The following NSUN2 variants were observed in gnomAD, a reference collection of about 807,000 sequenced individuals.
The protein encoded by NSUN2 is RNA cytosine C(5)-methyltransferase NSUN2.
Under a neutral mutation model 92.7 loss-of-function variants are expected in NSUN2, and 63 were observed. The ratio of observed to expected loss-of-function variants is 0.68; its 90% confidence interval spans 0.56 to 0.84. NSUN2 has a LOEUF of 0.84. Among genes scored for constraint, NSUN2 ranks in the 40% least tolerant of loss-of-function variants. The pLI is 0.00. For missense variants in NSUN2, 989 were observed against 964.9 expected (o/e 1.02, Z -0.33); for synonymous variants, 356 against 348.3 (o/e 1.02, Z -0.25).
intron 3 of NSUN2, among the ~76,000 whole-genome samples, chr5:6,627,836 T>C (rs1211830716): frequency 6.6e-6 from 1 of 152,254 alleles, no homozygotes; most frequent in African/African-American, 2.4e-5. Context: ...TAAATCTTTG[T>C]AGATTTTAAC....
chr5:6,609,312 T>C (rs1736898172), intron 12 of NSUN2, among the ~76,000 whole-genome samples: 1 of 152,222 alleles, frequency 6.6e-6, no homozygotes, highest in African/African-American at 2.4e-5. Flanking sequence ...CACTGTTTCC[T>C]GGCCTGCCTT....
intron 7 of NSUN2, among the ~76,000 whole-genome samples, chr5:6,619,630 T>C (rs1737354398): frequency 6.6e-6 from 1 of 152,236 alleles, no homozygotes; most frequent in Non-Finnish European, 1.5e-5. Flanking sequence ...CAAAATGAAT[T>C]TCTTAAGGGC....
At chr5:6,623,411 C>G in intron 4 of NSUN2, 126 bp from the exon 5 acceptor site, 1 of 720,468 alleles carries the variant, frequency 1.4e-6, no homozygotes, top group Non-Finnish European at 2.2e-6. Context: ...AATGAGAGAA[C>G]TCATACTATC....
intron 18 of NSUN2, 107 bp downstream of exon 18, chr5:6,602,354 G>C: frequency 9.4e-7 from 1 of 1,065,928 alleles, no homozygotes; most frequent in Non-Finnish European, 1.4e-6. Context: ...AATCACAAAA[G>C]GCCTGAAGAA....
chr5:6,628,615 T>C (rs923473082), intron 3 of NSUN2, among the ~76,000 whole-genome samples: 2 of 152,260 alleles, frequency 1.3e-5, no homozygotes, highest in African/African-American at 4.8e-5. Context: ...GATCTATTCC[T>C]GCATCTTGAG....
At position 6,608,568 on chromosome 5, in the gene NSUN2, G is replaced by A. The variant is rs557177231; in HGVS notation, c.1324-1184C>T. ...AGAGAAGTATTCATATTATTTAAAC[G>A]AGAAAATGACAATAAGTTGTTCTAA... On this transcript the variant is annotated intron_variant, in intron 12 of 18. Transcript: ENST00000264670. Among the ~76,000 whole-genome samples the A allele has an allele frequency of 1.4e-3, 219 of 152,318 alleles. 1 individual carries two copies. The highest frequency in any genetic ancestry group is 5.1e-3 in the African/African-American group (211 of 41,562).
intron 8 of NSUN2, 29 bp from the exon 9 acceptor site, chr5:6,616,886 G>T (rs189359866): frequency 1.2e-6 from 2 of 1,603,116 alleles, no homozygotes; most frequent in South Asian, 2.2e-5. Flanking sequence ...TGACTGCAAG[G>T]CCAAATGTAT....
intron 14 of NSUN2, among the ~76,000 whole-genome samples, chr5:6,606,235 AATTT>A (rs1166186931): frequency 6.6e-6 from 1 of 152,224 alleles, no homozygotes; most frequent in African/African-American, 2.4e-5. Context: ...TCAATTGAGT[AATTT>A]AGGTTCAGGA....
rs760872450 is a variant in NSUN2, at chr5:6,611,448, T to TAAAA, written c.1095+273_1095+276dup. Among the ~76,000 whole-genome samples, 12 of 86,072 alleles carry TAAAA rather than the reference T, an allele frequency of 1.4e-4. 1 individual carries two copies. The highest frequency in any genetic ancestry group is 2.0e-4 in the Non-Finnish European group (9 of 44,368). 56.5% of individuals were successfully genotyped at this position (86,072 alleles called of 152,430 possible). On this transcript the variant is annotated intron_variant, in intron 10 of 18. Transcript: ENST00000264670. ...ACAAGGCTTGAATCCCGGCCCAATT[T>TAAAA]AAAAAAAAAAAAAAAAAGCAAAGCT...
At chr5:6,629,821 G>A (rs188533514) in intron 3 of NSUN2, among the ~76,000 whole-genome samples, 9 of 152,108 alleles carry the variant, frequency 5.9e-5, no homozygotes, top group African/African-American at 2.2e-4. Flanking sequence ...AGATCTGATG[G>A]TTTATTAGGG....
At chr5:6,625,476 T>C (rs1426299731) in intron 4 of NSUN2, 88 bp downstream of exon 4, 1 of 907,656 alleles carries the variant, frequency 1.1e-6, no homozygotes, top group African/African-American at 1.7e-5. Context: ...CTACTGCTTC[T>C]AGTGACAAGA....
At chr5:6,603,916 C>A (rs1027901915) in intron 17 of NSUN2, 7 of 478,278 alleles carry the variant, frequency 1.5e-5, no homozygotes, top group Non-Finnish European at 2.6e-5. Flanking sequence ...AGCAGCAGGG[C>A]ACCACCAGAG....
intron 3 of NSUN2, among the ~76,000 whole-genome samples, chr5:6,628,535 T>C (rs146025642): frequency 8.5e-5 from 13 of 152,258 alleles, no homozygotes; most frequent in Admixed American, 3.9e-4. Flanking sequence ...TTCTAGAAAA[T>C]GTAATTTCAA....
At position 6,633,006 on chromosome 5, in the gene NSUN2, G is replaced by T. The variant is rs190264173; in HGVS notation, c.-27C>A. 3.5e-3 allele frequency: 5,031 copies of T among 1,421,790 alleles called. 30 individuals are homozygous for T. Among genetic ancestry groups the T allele is most frequent in the African/African-American group, 0.019 (1,288 of 66,438 alleles). 88.1% of individuals were successfully genotyped at this position (1,421,790 alleles called of 1,614,324 possible). ...GCCCACGCGGCCGCGCACGCAGCAC[G>T]CAGAAACCGGCCCGCCACGGCCAGA... On this transcript the variant is annotated 5_prime_UTR_variant, in exon 1 of 19. Transcript: ENST00000264670.
chr5:6,631,084 A>G (rs1737866402), intron 3 of NSUN2, among the ~76,000 whole-genome samples: 1 of 152,090 alleles, frequency 6.6e-6, no homozygotes, highest in South Asian at 2.1e-4. Context: ...ACAGAGTGAG[A>G]CTCCGTCTCC....
chr5:6,630,137 A>G (rs894681668), intron 3 of NSUN2, among the ~76,000 whole-genome samples: 1 of 152,214 alleles, frequency 6.6e-6, no homozygotes, highest in African/African-American at 2.4e-5. Flanking sequence ...GATCTCGTGA[A>G]GGTTACCTCA....
chr5:6,600,794 G>A (rs1329691265), intron 18 of NSUN2, among the ~76,000 whole-genome samples: 2 of 152,068 alleles, frequency 1.3e-5, no homozygotes, highest in African/African-American at 2.4e-5. Flanking sequence ...CTTCTCCAGG[G>A]ACCCCACATG....
Position 6,632,934 on chromosome 5 carries a change from G to A in NSUN2, c.46C>T (p.Pro16Ser), listed in dbSNP as rs763391697. The change falls in exon 1 of 19, where the codon CCG becomes TCG. Residue 16 changes from proline (P) to serine (S), a missense_variant. Pro to Ser is a moderately conservative substitution (Grantham distance 74). Coordinates refer to ENST00000264670, the MANE Select transcript of NSUN2 (RefSeq NM_017755.6). Reference sequence around the variant, plus strand: ...TCGGCGCCATCCTCCGCGTCCTCCGGCCGCTGCTGTTGCTGGAGCCGCCGA... The same window carrying A: ...TCGGCGCCATCCTCCGCGTCCTCCGACCGCTGCTGTTGCTGGAGCCGCCGA... Reference protein sequence around the residue: ...RGRRLQQQQRPEDAEDGAEGG... With the variant: ...RGRRLQQQQRSEDAEDGAEGG... 1.3e-6 allele frequency: 2 copies of A among 1,510,560 alleles called. No individual in the cohort carries two copies. The highest frequency in any genetic ancestry group is 1.8e-6 in the Non-Finnish European group (2 of 1,136,894). The allele number at this position is 1,510,560 out of a possible 1,614,324, so 93.6% of individuals were successfully genotyped here.
Position 6,632,974 on chromosome 5 carries a change from C to G in NSUN2, c.6G>C (p.Gly2=). The G allele has an allele frequency of 6.8e-7, 1 of 1,473,456 alleles. No individual in the cohort carries two copies. Among genetic ancestry groups the G allele is most frequent in the Non-Finnish European group, 8.9e-7 (1 of 1,122,336 alleles). The allele number at this position is 1,473,456 out of a possible 1,614,324, so 91.3% of individuals were successfully genotyped here. A position where few individuals can be genotyped will look rare whatever the true frequency, so the allele number is the denominator to read the frequency against. Residue 2 remains glycine, a synonymous_variant, in exon 1 of 19, where the codon GGG becomes GGC. Coordinates refer to ENST00000264670, the MANE Select transcript of NSUN2 (RefSeq NM_017755.6). M[G]RRSRGRRLQQ... ...GGAGCCGCCGACCCCGCGACCGCCG[C>G]CCCATAGCCCACGCGGCCGCGCACG...
Sources: gnomAD v4.1 joint callset for allele counts (sites outside exome capture counted in the v4.1 genomes callset) on GRCh38, gnomAD v4.1.1 for gene constraint, MANE v1.5 for transcripts, NCBI Gene and HGNC (gene_info 2026-07-23, HGNC 2026-07-21) for gene names.